The following HTR1F variants were observed in gnomAD, a reference collection of about 807,000 sequenced individuals.
HTR1F encodes 5-hydroxytryptamine (serotonin) receptor 1F, G protein-coupled.
HTR1F carries 17 observed loss-of-function variants against 24.0 expected under a neutral mutation model. The observed-to-expected ratio is 0.71, with a 90% CI of 0.48 to 1.06. The LOEUF is 1.06. Among genes scored for constraint, HTR1F ranks in the 50% least tolerant of loss-of-function variants. HTR1F has a pLI of 0.00. For synonymous variants in HTR1F, 186 were observed against 156.8 expected (o/e 1.19, Z -1.39); for missense variants, 391 against 427.8 (o/e 0.91, Z 0.76).
At chr3:87,866,627 C>T (rs150221027) in intron 2 of HTR1F, among the ~76,000 whole-genome samples, 3 of 148,900 alleles carry the variant, frequency 2.0e-5, no homozygotes, top group Non-Finnish European at 3.0e-5. Flanking sequence ...TTTCTTGTAG[C>T]CAATTTTTCT....
intron 2 of HTR1F, among the ~76,000 whole-genome samples, chr3:87,826,090 C>G (rs953672149): frequency 7.2e-5 from 11 of 152,152 alleles, no homozygotes; most frequent in African/African-American, 2.2e-4. Flanking sequence ...TTCTTGCATT[C>G]TCCTACCACT....
At chr3:87,824,666 A>T (rs1286688245) in intron 2 of HTR1F, among the ~76,000 whole-genome samples, 1 of 152,194 alleles carries the variant, frequency 6.6e-6, no homozygotes, top group African/African-American at 2.4e-5. Flanking sequence ...TGGGAATGAG[A>T]TTGACAGCTG....
intron 2 of HTR1F, among the ~76,000 whole-genome samples, chr3:87,859,457 C>T (rs189628220): frequency 2.0e-4 from 31 of 152,232 alleles, no homozygotes; most frequent in African/African-American, 7.2e-4. Context: ...AGTAGAACCA[C>T]AAAACAGTAG....
intron 2 of HTR1F, among the ~76,000 whole-genome samples, chr3:87,981,981 A>G (rs1488360115): frequency 2.0e-5 from 3 of 151,666 alleles, no homozygotes; most frequent in Non-Finnish European, 4.4e-5. Context: ...CACCCAGGCT[A>G]GAGTTCAGTG....
At chr3:87,957,186 C>G (rs1208888559) in intron 2 of HTR1F, among the ~76,000 whole-genome samples, 2 of 151,082 alleles carry the variant, frequency 1.3e-5, no homozygotes, top group East Asian at 1.9e-4. Flanking sequence ...ATCAGATGGA[C>G]TTTTTTTCTG....
intron 2 of HTR1F, among the ~76,000 whole-genome samples, chr3:87,880,389 A>T (rs1705764707): frequency 6.6e-6 from 1 of 152,214 alleles, no homozygotes; most frequent in African/African-American, 2.4e-5. Context: ...TTTAAAAGAC[A>T]TCATCAGCAA....
At chr3:87,957,271 A>T (rs959163183) in intron 2 of HTR1F, among the ~76,000 whole-genome samples, 1 of 151,226 alleles carries the variant, frequency 6.6e-6, no homozygotes, top group Non-Finnish European at 1.5e-5. Flanking sequence ...TGATTTCTTA[A>T]TCTTAAGGTA....
At chr3:87,853,513 T>G (rs1005070339) in intron 2 of HTR1F, among the ~76,000 whole-genome samples, 1 of 152,152 alleles carries the variant, frequency 6.6e-6, no homozygotes, top group Non-Finnish European at 1.5e-5. Flanking sequence ...CTATTGTTAA[T>G]AGTGCTGCAA....
chr3:87,793,241 CG>C (rs1470930213), intron 1 of HTR1F: 1 of 151,208 alleles, frequency 6.6e-6, no homozygotes. Context: ...TGGAGAGAGA[CG>C]GGGCACGGGC....
chr3:87,979,251 T>A (rs1315006696), intron 2 of HTR1F, among the ~76,000 whole-genome samples: 6 of 151,958 alleles, frequency 3.9e-5, no homozygotes, highest in Non-Finnish European at 1.5e-5. Context: ...CTCAGCCAGA[T>A]ACCTTCAGTT....
chr3:87,824,288 G>T (rs1477687024), intron 2 of HTR1F, among the ~76,000 whole-genome samples: 8 of 152,070 alleles, frequency 5.3e-5, no homozygotes, highest in Middle Eastern at 3.2e-3. Context: ...AAATGTGGGG[G>T]TCTTACCTTT....
At chr3:87,990,108 C>A (rs1457826862) in intron 2 of HTR1F, among the ~76,000 whole-genome samples, 2 of 152,202 alleles carry the variant, frequency 1.3e-5, no homozygotes, top group East Asian at 1.9e-4. Context: ...TTCCTTTAGA[C>A]CCCAATAAAC....
intron 2 of HTR1F, among the ~76,000 whole-genome samples, chr3:87,859,051 G>T (rs1559608484): frequency 6.6e-6 from 1 of 152,116 alleles, no homozygotes; most frequent in Non-Finnish European, 1.5e-5. Context: ...CAGAAAATTA[G>T]CCAGACTTGG....
chr3:87,884,104 A>G (rs1327959013), intron 2 of HTR1F, among the ~76,000 whole-genome samples: 1 of 152,106 alleles, frequency 6.6e-6, no homozygotes. Context: ...GAAAGGTTGG[A>G]TTACTCACAA....
At chr3:87,942,921 C>T (rs948352066) in intron 2 of HTR1F, among the ~76,000 whole-genome samples, 1 of 152,120 alleles carries the variant, frequency 6.6e-6, no homozygotes, top group African/African-American at 2.4e-5. Flanking sequence ...GATTAGTTGG[C>T]CTTCAATAGA....
rs553992073 is a variant in HTR1F, at chr3:87,820,641, A to C, written c.-159-1367A>C. On this transcript the variant is annotated intron_variant, in intron 1 of 2. Transcript: ENST00000319595. Reference sequence around the variant, plus strand: ...TCATAAAATATCTTCACATTCTTTAAATTTAAAAGGTAAATTGTAATAAAT... The same window carrying C: ...TCATAAAATATCTTCACATTCTTTACATTTAAAAGGTAAATTGTAATAAAT... Among the ~76,000 whole-genome samples, 33 of 152,256 alleles carry C rather than the reference A, an allele frequency of 2.2e-4. No individual in the cohort carries two copies. The South Asian group carries it at 6.6e-3, about 31-fold the overall frequency.
intron 2 of HTR1F, among the ~76,000 whole-genome samples, chr3:87,823,229 T>C (rs964310080): frequency 6.6e-6 from 1 of 152,214 alleles, no homozygotes; most frequent in Non-Finnish European, 1.5e-5. Context: ...TGTAACAGTT[T>C]ATATTAATTT....
intron 1 of HTR1F, among the ~76,000 whole-genome samples, chr3:87,795,893 ACT>A (rs1216794056): frequency 2.0e-5 from 3 of 151,786 alleles, no homozygotes; most frequent in African/African-American, 7.3e-5. Flanking sequence ...AAAAGGGGAA[ACT>A]CTATTAATTT....
At chr3:87,987,129 TAAAATAAAATA>T (rs1705680100) in intron 2 of HTR1F, among the ~76,000 whole-genome samples, 1 of 25,204 alleles carries the variant, frequency 4.0e-5, no homozygotes, top group South Asian at 2.9e-3. Context: ...AAAAATAAAA[TAAAATAAAATA>T]AAATAGATAA....
Sources: gnomAD v4.1 joint callset for allele counts (sites outside exome capture counted in the v4.1 genomes callset) on GRCh38, gnomAD v4.1.1 for gene constraint, MANE v1.5 for transcripts, NCBI Gene and HGNC (gene_info 2026-07-23, HGNC 2026-07-21) for gene names.